CBLB: variants seen among roughly 807,000 people sequenced by gnomAD.
CBLB encodes the protein E3 ubiquitin-protein ligase CBL-B.
CBLB carries 31 observed loss-of-function variants against 104.9 expected under a neutral mutation model. The observed-to-expected ratio is 0.30, with a 90% CI of 0.22 to 0.40. The LOEUF is 0.40. Ranked by LOEUF, CBLB falls within the 10% of genes least tolerant of loss-of-function variation. The pLI is 1.00. For synonymous variants in CBLB, 440 were observed against 422.6 expected (o/e 1.04, Z -0.51); for missense variants, 1,062 against 1,214.6 (o/e 0.87, Z 1.87).
At chr3:105,694,236 A>T (rs1237408552) in intron 12 of CBLB, among the ~76,000 whole-genome samples, 3 of 151,926 alleles carry the variant, frequency 2.0e-5, no homozygotes, top group Non-Finnish European at 4.4e-5. Flanking sequence ...CCAGTGTTCA[A>T]TTACTCTGAA....
At chr3:105,809,424 C>A (rs533644150) in intron 3 of CBLB, among the ~76,000 whole-genome samples, 5 of 152,162 alleles carry the variant, frequency 3.3e-5, no homozygotes, top group Admixed American at 6.5e-5. Flanking sequence ...TAGCAGGAGG[C>A]TATACTACCA....
intron 2 of CBLB, among the ~76,000 whole-genome samples, chr3:105,861,755 C>T (rs1166391735): frequency 6.6e-6 from 1 of 151,472 alleles, no homozygotes; most frequent in Non-Finnish European, 1.5e-5. Flanking sequence ...TGTTCAAATC[C>T]TCAAGCTAAC....
intron 3 of CBLB, among the ~76,000 whole-genome samples, chr3:105,830,598 ATAAG>A (rs2087350841): frequency 2.0e-5 from 3 of 152,246 alleles, no homozygotes; most frequent in Non-Finnish European, 4.4e-5. Context: ...TTTCCAATAA[ATAAG>A]TAAATAATTT....
At position 105,853,590 on chromosome 3, in the gene CBLB, T is replaced by C. The variant is rs750374312; in HGVS notation, c.243A>G (p.Thr81=). Residue 81 remains threonine (T), a synonymous_variant, in exon 3 of 19, where the codon ACA becomes ACG. Transcript: ENST00000394030. ...PPYILDILPD[T]YQHLRLILSK... is the part of the protein sequence containing the mutation. Reference sequence around the variant, plus strand: ...TCAATATAAGTCGTAAATGCTGATATGTATCAGGCAAAATATCAAGTATAT... The same window carrying C: ...TCAATATAAGTCGTAAATGCTGATACGTATCAGGCAAAATATCAAGTATAT... The C allele has an allele frequency of 4.3e-6, 7 of 1,611,684 alleles. No individual in the cohort carries two copies. The highest frequency in any genetic ancestry group is 1.1e-5 in the South Asian group (1 of 91,046).
intron 10 of CBLB, among the ~76,000 whole-genome samples, chr3:105,709,674 TTTTC>T (rs2070763778): frequency 6.6e-6 from 1 of 151,966 alleles, no homozygotes; most frequent in Non-Finnish European, 1.5e-5. Context: ...TGTTTTCAAG[TTTTC>T]TTTATTATAA....
chr3:105,845,944 T>C (rs1224324186), intron 3 of CBLB, among the ~76,000 whole-genome samples: 1 of 152,088 alleles, frequency 6.6e-6, no homozygotes, highest in Non-Finnish European at 1.5e-5. Flanking sequence ...CTAAAGCAAA[T>C]TCTACTTCCT....
intron 3 of CBLB, among the ~76,000 whole-genome samples, chr3:105,830,176 T>G (rs1320405055): frequency 6.6e-6 from 1 of 152,184 alleles, no homozygotes; most frequent in East Asian, 1.9e-4. Flanking sequence ...GTCCAGGGTA[T>G]CGTTACCTTA....
intron 3 of CBLB, among the ~76,000 whole-genome samples, chr3:105,852,842 C>T (rs549375094): frequency 2.0e-5 from 3 of 152,148 alleles, no homozygotes; most frequent in African/African-American, 4.8e-5. Flanking sequence ...CTCAGCCTCC[C>T]GAGTAGCTGG....
At position 105,776,132 on chromosome 3, in the gene CBLB, C is replaced by T. The variant is rs538443291; in HGVS notation, c.566+264G>A. 4.6e-5 allele frequency among the ~76,000 whole-genome samples: 7 copies of T among 152,250 alleles called. No individual in the cohort carries two copies. In the South Asian group the frequency reaches 1.2e-3, roughly 27 times the overall value. ...TCTCATGTATAAAGACTCTTACATA[C>T]CTCTGCTTCTCAGAACAAACTCAAT... On this transcript the variant is annotated intron_variant, in intron 4 of 18. Transcript: ENST00000394030.
chr3:105,832,328 A>C lies in CBLB; in HGVS notation c.419+21086T>G, dbSNP rs55949717. Reference sequence around the variant, plus strand: ...GGTTCCAATTATGTGCTTCTCAGTAAAACTTTTAAATATGCTAATCTTCAG... The same window carrying C: ...GGTTCCAATTATGTGCTTCTCAGTACAACTTTTAAATATGCTAATCTTCAG... On this transcript the variant is annotated intron_variant, in intron 3 of 18. Transcript: ENST00000394030. Among the ~76,000 whole-genome samples, 987 of 152,328 alleles carry C rather than the reference A, an allele frequency of 6.5e-3. 12 individuals are homozygous for C. The highest frequency in any genetic ancestry group is 0.023 in the African/African-American group (946 of 41,562).
chr3:105,817,388 G>C (rs1196016895), intron 3 of CBLB, among the ~76,000 whole-genome samples: 5 of 152,108 alleles, frequency 3.3e-5, no homozygotes, highest in Admixed American at 3.3e-4. Flanking sequence ...ACTAACTGAA[G>C]ATGGTAAATA....
chr3:105,684,526 T>G (rs913774570), intron 14 of CBLB, among the ~76,000 whole-genome samples: 7 of 149,772 alleles, frequency 4.7e-5, no homozygotes, highest in African/African-American at 7.4e-5. Context: ...GCCACAAAAG[T>G]AAGGAAAAAA....
chr3:105,846,061 T>A (rs956491839), intron 3 of CBLB, among the ~76,000 whole-genome samples: 4 of 152,068 alleles, frequency 2.6e-5, no homozygotes, highest in Non-Finnish European at 4.4e-5. Flanking sequence ...TTCATTCCTC[T>A]AGTTTCCCAT....
At chr3:105,679,212 CT>C in intron 16 of CBLB, among the ~76,000 whole-genome samples, 1 of 151,906 alleles carries the variant, frequency 6.6e-6, no homozygotes, top group Non-Finnish European at 1.5e-5. Context: ...GTTCCAAGCA[CT>C]ACTTACATTT....
intron 14 of CBLB, among the ~76,000 whole-genome samples, chr3:105,684,284 G>A (rs3772539): frequency 0.52 from 79,338 of 151,978 alleles, 21,325 homozygotes; most frequent in Middle Eastern, 0.66. Context: ...CAGAAAGTAA[G>A]TTTTGTAGCT....
chr3:105,690,707 A>G (rs1307934482), intron 13 of CBLB, among the ~76,000 whole-genome samples: 1 of 152,008 alleles, frequency 6.6e-6, no homozygotes, highest in South Asian at 2.1e-4. Flanking sequence ...CTATAGTCCC[A>G]GCTACTTGAA....
chr3:105,830,843 C>G (rs2087395594), intron 3 of CBLB, among the ~76,000 whole-genome samples: 1 of 152,168 alleles, frequency 6.6e-6, no homozygotes, highest in South Asian at 2.1e-4. Context: ...TTGGTCAATT[C>G]ATTCATTCAG....
At chr3:105,680,433 CCTTTACATCACCACAGA>C (rs1390109759) in intron 16 of CBLB, among the ~76,000 whole-genome samples, 2 of 152,162 alleles carry the variant, frequency 1.3e-5, no homozygotes, top group African/African-American at 4.8e-5. Context: ...ATATACAGAT[CCTTTACATCACCACAGA>C]AAGCTTTATT....
At chr3:105,830,243 C>T (rs187215597) in intron 3 of CBLB, among the ~76,000 whole-genome samples, 6 of 152,266 alleles carry the variant, frequency 3.9e-5, no homozygotes, top group African/African-American at 1.2e-4. Context: ...AATAAAGCCA[C>T]GTAATAGGTG....
Sources: allele counts gnomAD v4.1 joint callset (sites outside exome capture counted in the v4.1 genomes callset), GRCh38; gene constraint gnomAD v4.1.1; transcripts MANE v1.5; gene names NCBI Gene and HGNC (gene_info 2026-07-23, HGNC 2026-07-21).